Variants in MALRD1 observed in about 807,000 individuals in gnomAD.
The protein encoded by MALRD1 is MAM and LDL-receptor class A domain-containing protein 1.
MALRD1 carries 247 observed loss-of-function variants against 242.1 expected under a neutral mutation model. The ratio of observed to expected loss-of-function variants is 1.02; its 90% CI spans 0.92 to 1.13. The LOEUF is 1.13. Ranked by LOEUF, MALRD1 falls within the 50% of genes most tolerant of loss-of-function variation. The pLI, the probability that MALRD1 is intolerant of heterozygous loss-of-function variation, is 0.00. For synonymous variants in MALRD1, 995 were observed against 866.6 expected, an observed-to-expected ratio of 1.15 and a Z score of -2.60; for missense variants, 2,989 against 2,533.1, an observed-to-expected ratio of 1.18 and a Z score of -3.86.
intron 29 of MALRD1, among the ~76,000 whole-genome samples, chr10:19,468,152 A>G (rs1206261789): frequency 2.6e-5 from 4 of 152,148 alleles, no homozygotes; most frequent in African/African-American, 9.7e-5. Context: ...AACATCCTGT[A>G]TTCATTTTAG....
chr10:19,563,664 G>A, intron 32 of MALRD1, among the ~76,000 whole-genome samples: 1 of 152,184 alleles, frequency 6.6e-6, no homozygotes, highest in East Asian at 1.9e-4. Flanking sequence ...CAGGCACCAG[G>A]AGTGTTTGGA....
intron 18 of MALRD1, among the ~76,000 whole-genome samples, chr10:19,235,955 G>A (rs747306419): frequency 3.9e-5 from 6 of 152,084 alleles, no homozygotes; most frequent in Non-Finnish European, 7.4e-5. Flanking sequence ...TGAAGACTAG[G>A]GGAAGAGTAT....
chr10:19,619,845 A>T (rs1357592119), intron 36 of MALRD1, among the ~76,000 whole-genome samples: 1 of 152,020 alleles, frequency 6.6e-6, no homozygotes, highest in Non-Finnish European at 1.5e-5. Context: ...GTTAATAAAA[A>T]GCATTTCATC....
At chr10:19,442,642 A>G (rs1834731246) in intron 28 of MALRD1, among the ~76,000 whole-genome samples, 1 of 152,038 alleles carries the variant, frequency 6.6e-6, no homozygotes, top group Admixed American at 6.6e-5. Flanking sequence ...TGTATGTTGG[A>G]CCAGCCTTGC....
intron 11 of MALRD1, among the ~76,000 whole-genome samples, chr10:19,154,062 A>G (rs948030601): frequency 3.9e-5 from 6 of 152,196 alleles, no homozygotes; most frequent in African/African-American, 1.2e-4. Context: ...TAGGTGAAGC[A>G]TAGAGAATTT....
At chr10:19,457,671 C>G (rs12265405) in intron 29 of MALRD1, among the ~76,000 whole-genome samples, 1,732 of 150,520 alleles carry the variant, frequency 0.012, 29 homozygotes, top group African/African-American at 0.039. Flanking sequence ...TTCTTGAGAA[C>G]TGCAAGCAAG....
chr10:19,295,857 T>A (rs1040928458), intron 21 of MALRD1, among the ~76,000 whole-genome samples: 1 of 152,166 alleles, frequency 6.6e-6, no homozygotes, highest in Non-Finnish European at 1.5e-5. Flanking sequence ...CCAGAGTTTC[T>A]GATTTAGTAG....
chr10:19,475,699 G>A (rs542904973), intron 29 of MALRD1, among the ~76,000 whole-genome samples: 3 of 152,262 alleles, frequency 2.0e-5, no homozygotes, highest in African/African-American at 7.2e-5. Context: ...TTCATTTTAT[G>A]CAGAAAAACA....
chr10:19,232,609 T>G (rs771721660), intron 18 of MALRD1, among the ~76,000 whole-genome samples: 1 of 152,176 alleles, frequency 6.6e-6, no homozygotes, highest in Admixed American at 6.5e-5. Context: ...ATCTAGGAAA[T>G]AGCTGAAATG....
chr10:19,524,103 G>A (rs1214918789), intron 31 of MALRD1, among the ~76,000 whole-genome samples: 2 of 152,106 alleles, frequency 1.3e-5, no homozygotes, highest in Non-Finnish European at 2.9e-5. Context: ...CAGAAACACT[G>A]CATCTGTGTT....
At chr10:19,323,007 A>G (rs1184261522) in intron 21 of MALRD1, among the ~76,000 whole-genome samples, 1 of 152,142 alleles carries the variant, frequency 6.6e-6, no homozygotes, top group Admixed American at 6.6e-5. Context: ...TTAATTGTCC[A>G]AGTAGGGTCA....
At chr10:19,541,500 T>C (rs1418183591) in intron 32 of MALRD1, among the ~76,000 whole-genome samples, 2 of 152,228 alleles carry the variant, frequency 1.3e-5, no homozygotes, top group African/African-American at 2.4e-5. Context: ...ATTTGTACAA[T>C]ATGACACGAG....
chr10:19,284,155 A>C (rs953286192), intron 21 of MALRD1, among the ~76,000 whole-genome samples: 2 of 152,174 alleles, frequency 1.3e-5, no homozygotes, highest in African/African-American at 4.8e-5. Flanking sequence ...TTTATTGACT[A>C]TTAAGGCTTT....
intron 20 of MALRD1, among the ~76,000 whole-genome samples, chr10:19,280,944 A>G (rs1840775068): frequency 6.6e-6 from 1 of 152,138 alleles, no homozygotes; most frequent in Non-Finnish European, 1.5e-5. Flanking sequence ...GTACCATCAT[A>G]TTTCTCAAGT....
At chr10:19,134,216 T>C (rs1833234786) in intron 9 of MALRD1, among the ~76,000 whole-genome samples, 1 of 152,188 alleles carries the variant, frequency 6.6e-6, no homozygotes, top group Non-Finnish European at 1.5e-5. Context: ...CCCAGCACCA[T>C]GCTGTGCCCC....
chr10:19,679,203 T>G (rs950364618), intron 36 of MALRD1, among the ~76,000 whole-genome samples: 3 of 152,040 alleles, frequency 2.0e-5, no homozygotes, highest in African/African-American at 7.2e-5. Context: ...CCTGCCTTGT[T>G]AATTGTTTGG....
rs78574283 is a variant in MALRD1 at position 19,642,379 on chromosome 10, C to T, written c.6137+26456C>T. On this transcript the variant is annotated intron_variant, in intron 36 of 39. Coordinates refer to ENST00000454679, the MANE Select transcript of MALRD1 (RefSeq NM_001142308.3). ...CATTCAGAGGTACAGAAAATACTTA[C>T]GAAGAGCTAACCAAAGCAAACAAGA... 9.1e-3 allele frequency among the ~76,000 whole-genome samples: 1,377 copies of T among 152,046 alleles called. 19 individuals are homozygous for T. The highest frequency in any genetic ancestry group is 0.031 in the African/African-American group (1,284 of 41,484).
rs373544462 is a variant in MALRD1 at position 19,440,890 on chromosome 10, C to T, written c.4846-9417C>T. 3.3e-5 allele frequency among the ~76,000 whole-genome samples: 5 copies of T among 152,092 alleles called. No homozygotes were observed. The East Asian group carries it at 7.7e-4, about 23-fold the overall frequency. On this transcript the variant is annotated intron_variant, in intron 28 of 39. Coordinates refer to ENST00000454679, the MANE Select transcript of MALRD1 (RefSeq NM_001142308.3). ...AGGATGGCTGGGTCAAATGGTATTT[C>T]TAGTTCTAGATCCTTGAGGAATCAC...
intron 5 of MALRD1, among the ~76,000 whole-genome samples, chr10:19,115,673 C>T (rs1252654311): frequency 1.3e-5 from 2 of 151,852 alleles, no homozygotes; most frequent in Non-Finnish European, 2.9e-5. Context: ...GTCAGGAGTT[C>T]GAGACCAACC....
Sources: allele counts gnomAD v4.1 joint callset (sites outside exome capture counted in the v4.1 genomes callset), GRCh38; gene constraint gnomAD v4.1.1; transcripts MANE v1.5; gene names NCBI Gene and HGNC (gene_info 2026-07-23, HGNC 2026-07-21).